GLG1: variants seen among roughly 807,000 people sequenced by gnomAD.
The protein encoded by GLG1 is Golgi apparatus protein 1.
Under a neutral mutation model 160.5 loss-of-function variants are expected in GLG1, and 38 were observed. That is an observed-to-expected ratio of 0.24 (90% CI 0.18 to 0.31). The LOEUF is 0.31. Among genes scored for constraint, GLG1 ranks in the 10% least tolerant of loss-of-function variants. GLG1 has a pLI of 1.00. For synonymous variants in GLG1, 644 were observed against 543.4 expected, an observed-to-expected ratio of 1.19 and a Z score of -2.57; for missense variants, 1,373 against 1,505.2, an observed-to-expected ratio of 0.91 and a Z score of 1.45.
At chr16:74,580,252 G>C (rs765034181) in intron 1 of GLG1, among the ~76,000 whole-genome samples, 1 of 152,130 alleles carries the variant, frequency 6.6e-6, no homozygotes, top group Non-Finnish European at 1.5e-5. Context: ...GGGAGGCTGA[G>C]GTGGGAGGAT....
intron 2 of GLG1, among the ~76,000 whole-genome samples, chr16:74,528,747 A>G (rs1381809929): frequency 7.7e-6 from 1 of 129,596 alleles, no homozygotes; most frequent in African/African-American, 3.0e-5. Context: ...CAGAGGCGGA[A>G]GTTTCAGTGA....
chr16:74,554,444 C>T (rs909440678), intron 1 of GLG1, among the ~76,000 whole-genome samples: 5 of 152,154 alleles, frequency 3.3e-5, no homozygotes, highest in Admixed American at 2.0e-4. Flanking sequence ...TGAGGCAGGA[C>T]AATCACTTCA....
Position 74,470,030 on chromosome 16 carries a change from G to C in GLG1, c.2273C>G (p.Ala758Gly). The change falls in exon 16 of 26, where the codon GCC becomes GGC. Residue 758 changes from alanine to glycine, a missense_variant. Coordinates refer to ENST00000422840, the MANE Select transcript of GLG1 (RefSeq NM_001145667.2). ...AAGCTTCAACACGTCCTCCTTGCAGGCCATTTTAAACTTGTAAGAAAACCG... is the reference window on the plus strand; with the variant it reads ...AAGCTTCAACACGTCCTCCTTGCAGCCCATTTTAAACTTGTAAGAAAACCG... The part of the protein sequence containing the change: ...DFRFSYKFKM[A>G]CKEDVLKLCP... 6.2e-7 allele frequency: 1 copy of C among 1,609,918 alleles called. No homozygotes were observed. The highest frequency in any genetic ancestry group is 2.2e-5 in the East Asian group (1 of 44,876).
At position 74,498,447 on chromosome 16, in the gene GLG1, AGTATAT is replaced by A. The variant is rs1567483082; in HGVS notation, c.775-1809_775-1804del. On this transcript the variant is annotated intron_variant, in intron 4 of 25. Transcript: ENST00000422840. ...AGGCTCTGTCTCAAAAAAAAAAAAA[AGTATAT>A]ATATATATATATATTATATTTTATA... Among the ~76,000 whole-genome samples the A allele has an allele frequency of 4.9e-4, 4 of 8,208 alleles. No homozygotes were observed. In the South Asian group the frequency reaches 0.016, roughly 33 times the overall value. 5.4% of individuals were successfully genotyped at this position (8,208 alleles called of 152,430 possible). A position where few individuals can be genotyped will look rare whatever the true frequency, so the allele number is the denominator to read the frequency against.
chr16:74,585,932 G>T (rs1021598079), intron 1 of GLG1, among the ~76,000 whole-genome samples: 1 of 151,234 alleles, frequency 6.6e-6, no homozygotes, highest in Non-Finnish European at 1.5e-5. Flanking sequence ...GTGTAGTGGC[G>T]GGTGCCTGTA....
chr16:74,464,183 G>C (rs1485558615), intron 19 of GLG1, among the ~76,000 whole-genome samples: 3 of 152,128 alleles, frequency 2.0e-5, no homozygotes, highest in Non-Finnish European at 4.4e-5. Flanking sequence ...CCTATCTAGA[G>C]GGTGATGTTA....
chr16:74,459,585 G>A (rs559535158), intron 23 of GLG1, 97 bp downstream of exon 23: 2 of 680,354 alleles, frequency 2.9e-6, no homozygotes, highest in African/African-American at 3.7e-5. Flanking sequence ...TGAGATTTTT[G>A]GTTTTATTAC....
chr16:74,449,739 G>A lies in GLG1; in HGVS notation c.*3428C>T, dbSNP rs991686250. On this transcript the variant is annotated 3_prime_UTR_variant, in exon 26 of 26. Coordinates refer to ENST00000422840, the MANE Select transcript of GLG1 (RefSeq NM_001145667.2). ...ACCCTAGAATTCTCCTAGCTTTGAA[G>A]GATGCACTAACACAGAACTGCAGCT... The A allele has an allele frequency of 1.7e-4, 26 of 152,372 alleles. No individual in the cohort carries two copies. Among genetic ancestry groups the A allele is most frequent in the African/African-American group, 6.3e-4 (26 of 41,450 alleles). The allele number at this position is 152,372 out of a possible 1,614,324, so 9.4% of individuals were successfully genotyped here. A position where few individuals can be genotyped will look rare whatever the true frequency, so the allele number is the denominator to read the frequency against.
chr16:74,546,967 G>C (rs549371922), intron 1 of GLG1, among the ~76,000 whole-genome samples: 1 of 152,052 alleles, frequency 6.6e-6, no homozygotes, highest in Non-Finnish European at 1.5e-5. Flanking sequence ...CTGAGCAAAG[G>C]ATCACAACAC....
At chr16:74,454,362 C>G (rs1468092905) in intron 25 of GLG1, among the ~76,000 whole-genome samples, 1 of 151,594 alleles carries the variant, frequency 6.6e-6, no homozygotes. Flanking sequence ...CACCACCATG[C>G]CTGGCTAATT....
chr16:74,579,282 G>A (rs909997331), intron 1 of GLG1, among the ~76,000 whole-genome samples: 1 of 151,454 alleles, frequency 6.6e-6, no homozygotes, highest in African/African-American at 2.4e-5. Flanking sequence ...GGTGGCATGC[G>A]CCTGTAGTCC....
Position 74,480,428 on chromosome 16 carries a change from T to C in GLG1, c.1674-34A>G, listed in dbSNP as rs765676254. 37 of 1,512,348 alleles carry C rather than the reference T, an allele frequency of 2.4e-5. 1 individual carries two copies. The East Asian group carries it at 4.5e-4, about 18-fold the overall frequency. The allele number at this position is 1,512,348 out of a possible 1,614,324, so 93.7% of individuals were successfully genotyped here. On this transcript the variant is annotated intron_variant, in intron 10 of 25. Transcript: ENST00000422840. Reference sequence around the variant, plus strand: ...TTAAGAGTTAAAAGATAACCACTAATTAATAGACATTTCCTTCTAACACAG... The same window carrying C: ...TTAAGAGTTAAAAGATAACCACTAACTAATAGACATTTCCTTCTAACACAG...
At chr16:74,534,773 T>C (rs1029291640) in intron 1 of GLG1, among the ~76,000 whole-genome samples, 1 of 152,082 alleles carries the variant, frequency 6.6e-6, no homozygotes, top group African/African-American at 2.4e-5. Context: ...GTTGAGCAAA[T>C]CAAGATAGCA....
At chr16:74,538,399 T>C (rs1567510637) in intron 1 of GLG1, among the ~76,000 whole-genome samples, 1 of 152,158 alleles carries the variant, frequency 6.6e-6, no homozygotes, top group African/African-American at 2.4e-5. Flanking sequence ...ATGAAGATAA[T>C]GTAGCTGGTC....
At chr16:74,502,036 A>C (rs890738169) in intron 4 of GLG1, among the ~76,000 whole-genome samples, 2 of 152,200 alleles carry the variant, frequency 1.3e-5, no homozygotes, top group Non-Finnish European at 2.9e-5. Context: ...CTTCATTTGA[A>C]CGGTGTGCTC....
chr16:74,605,195 C>T lies in GLG1; in HGVS notation c.438+1462G>A, dbSNP rs1958537820. Among the ~76,000 whole-genome samples, 4 of 152,166 alleles carry T rather than the reference C, an allele frequency of 2.6e-5. No homozygotes were observed. The South Asian group carries it at 8.3e-4, about 32-fold the overall frequency. ...TGGTCCCTCCACCTCCCCCCAACCCCCCAAAACCCCCATTTCCAATTTATA... is the reference window on the plus strand; with the variant it reads ...TGGTCCCTCCACCTCCCCCCAACCCTCCAAAACCCCCATTTCCAATTTATA... On this transcript the variant is annotated intron_variant, in intron 1 of 25. Coordinates refer to ENST00000422840, the MANE Select transcript of GLG1 (RefSeq NM_001145667.2).
intron 25 of GLG1, among the ~76,000 whole-genome samples, chr16:74,453,594 C>T (rs140422429): frequency 1.3e-5 from 2 of 152,110 alleles, no homozygotes; most frequent in African/African-American, 4.8e-5. Context: ...ACAGTGATCA[C>T]CACTAACACC....
chr16:74,506,138 G>A (rs914252071), intron 3 of GLG1, among the ~76,000 whole-genome samples: 5 of 136,852 alleles, frequency 3.7e-5, no homozygotes, highest in African/African-American at 1.4e-4. Flanking sequence ...AAAAGTGAAA[G>A]GAGGAATAGA....
chr16:74,595,851 C>T (rs754486387), intron 1 of GLG1, among the ~76,000 whole-genome samples: 11 of 151,934 alleles, frequency 7.2e-5, no homozygotes, highest in African/African-American at 1.7e-4. Flanking sequence ...GGGCCAGGTA[C>T]AGTGGCTCAC....
Sources: gnomAD v4.1 joint callset for allele counts (sites outside exome capture counted in the v4.1 genomes callset) on GRCh38, gnomAD v4.1.1 for gene constraint, MANE v1.5 for transcripts, NCBI Gene and HGNC (gene_info 2026-07-23, HGNC 2026-07-21) for gene names.